Variants in CTNNA3 observed in about 807,000 individuals in gnomAD.
CTNNA3 encodes the protein catenin alpha-3.
CTNNA3 carries 76 observed loss-of-function variants against 95.7 expected under a neutral mutation model. That is an observed-to-expected ratio of 0.79 (90% confidence interval 0.66 to 0.96). CTNNA3 has a LOEUF of 0.96. Among genes scored for constraint, CTNNA3 ranks in the 40% least tolerant of loss-of-function variants. The pLI is 0.00. For missense variants in CTNNA3, 1,191 were observed against 1,089.8 expected (o/e 1.09, Z -1.31); for synonymous variants, 431 against 374.4 (o/e 1.15, Z -1.74).
At chr10:66,365,118 GTC>G (rs1358962893) in intron 12 of CTNNA3, among the ~76,000 whole-genome samples, 1 of 151,992 alleles carries the variant, frequency 6.6e-6, no homozygotes, top group Non-Finnish European at 1.5e-5. Context: ...AAAATGTGTA[GTC>G]TCTCGGAACC....
intron 3 of CTNNA3, among the ~76,000 whole-genome samples, chr10:67,566,064 T>C (rs1397644068): frequency 2.1e-5 from 2 of 95,422 alleles, no homozygotes; most frequent in African/African-American, 7.8e-5. Flanking sequence ...TATATATATA[T>C]ATATATATAC....
At chr10:67,571,174 T>C (rs1326000104) in intron 3 of CTNNA3, among the ~76,000 whole-genome samples, 2 of 152,138 alleles carry the variant, frequency 1.3e-5, no homozygotes, top group African/African-American at 4.8e-5. Flanking sequence ...GATGAGATAA[T>C]GCACATAAGG....
intron 14 of CTNNA3, among the ~76,000 whole-genome samples, chr10:66,102,625 G>A (rs61858395): frequency 0.056 from 8,572 of 152,212 alleles, 338 homozygotes; most frequent in Non-Finnish European, 0.09. Flanking sequence ...CTGGGTGGGA[G>A]TAAAGTGAAG....
At chr10:66,466,963 T>C (rs557570224) in intron 11 of CTNNA3, among the ~76,000 whole-genome samples, 3 of 152,232 alleles carry the variant, frequency 2.0e-5, no homozygotes, top group East Asian at 3.9e-4. Flanking sequence ...TGATTGACTG[T>C]TTCTCTCACT....
At chr10:66,685,203 A>G (rs1375506705) in intron 9 of CTNNA3, among the ~76,000 whole-genome samples, 1 of 43,072 alleles carries the variant, frequency 2.3e-5, no homozygotes, top group East Asian at 5.4e-3. Flanking sequence ...GTATATATAT[A>G]TACGTATATA....
intron 14 of CTNNA3, among the ~76,000 whole-genome samples, chr10:66,070,412 A>C (rs2133603880): frequency 6.6e-6 from 1 of 152,268 alleles, no homozygotes; most frequent in South Asian, 2.1e-4. Flanking sequence ...CTCCATCTTG[A>C]CTACCGGTCA....
chr10:66,137,821 G>A (rs995172757), intron 13 of CTNNA3, among the ~76,000 whole-genome samples: 4 of 151,952 alleles, frequency 2.6e-5, no homozygotes, highest in Non-Finnish European at 2.9e-5. Flanking sequence ...ATGGTGGCAC[G>A]TCCCTGTGGT....
At chr10:67,554,828 G>A (rs943684956) in intron 3 of CTNNA3, among the ~76,000 whole-genome samples, 5 of 152,030 alleles carry the variant, frequency 3.3e-5, no homozygotes, top group South Asian at 2.1e-4. Context: ...AAGTCCTTGC[G>A]CATGCCTATG....
chr10:67,425,992 A>T (rs1391946994), intron 5 of CTNNA3, among the ~76,000 whole-genome samples: 1 of 152,120 alleles, frequency 6.6e-6, no homozygotes, highest in East Asian at 1.9e-4. Flanking sequence ...TGTTTATTGC[A>T]TAGCCCTATG....
At chr10:66,640,270 G>A (rs2394260) in intron 9 of CTNNA3, among the ~76,000 whole-genome samples, 100,508 of 151,252 alleles carry the variant, frequency 0.66, 34,307 homozygotes, top group East Asian at 0.95. Context: ...AACTGCTATT[G>A]ACCACTCATG....
At chr10:67,092,963 A>G (rs1485503602) in intron 7 of CTNNA3, among the ~76,000 whole-genome samples, 1 of 152,016 alleles carries the variant, frequency 6.6e-6, no homozygotes, top group Non-Finnish European at 1.5e-5. Flanking sequence ...AAGAGTATAC[A>G]TGATAATGCT....
At chr10:66,675,715 C>G (rs897066111) in intron 9 of CTNNA3, among the ~76,000 whole-genome samples, 4 of 152,086 alleles carry the variant, frequency 2.6e-5, no homozygotes, top group African/African-American at 9.7e-5. Context: ...GTGAACAACT[C>G]AAAAGAGACA....
intron 1 of CTNNA3, among the ~76,000 whole-genome samples, chr10:67,652,580 C>A (rs1238910082): frequency 6.6e-6 from 1 of 152,172 alleles, no homozygotes; most frequent in East Asian, 1.9e-4. Flanking sequence ...TCTCTCATCC[C>A]TGTCTTCCTA....
At position 67,315,977 on chromosome 10, in the gene CTNNA3, G is replaced by A. The variant is rs376973339; in HGVS notation, c.580-96107C>T. ...TGAAATTGACTCCTAATAAATAGTC[G>A]TACTTGAAAGAAAAAATATGTTAAT... On this transcript the variant is annotated intron_variant, in intron 5 of 17. Coordinates refer to ENST00000433211, the MANE Select transcript of CTNNA3 (RefSeq NM_013266.4). Among the ~76,000 whole-genome samples, 30 of 152,078 alleles carry A rather than the reference G, an allele frequency of 2.0e-4. No homozygotes were observed. In the South Asian group the frequency reaches 3.7e-3, roughly 19 times the overall value.
At chr10:66,719,195 G>T (rs1472823269) in intron 9 of CTNNA3, among the ~76,000 whole-genome samples, 1 of 151,820 alleles carries the variant, frequency 6.6e-6, no homozygotes, top group Non-Finnish European at 1.5e-5. Context: ...TTTTCTTGTG[G>T]GTCTGCCTTC....
intron 7 of CTNNA3, among the ~76,000 whole-genome samples, chr10:66,887,392 A>G (rs1403592833): frequency 2.0e-5 from 3 of 152,180 alleles, no homozygotes; most frequent in African/African-American, 4.8e-5. Context: ...CTAACTCTTT[A>G]TGCTAAAAGA....
Position 67,756,651 on chromosome 10 carries a change from G to T in CTNNA3, c.-2+6783C>A, listed in dbSNP as rs530553119. On this transcript the variant is annotated intron_variant, in intron 1 of 17. Coordinates refer to the CTNNA3 transcript ENST00000684154. ...AATAGGCAAACAGAATATAGAGACA[G>T]AAAGCAGATTAGTGATTGCAGGGGC... Among the ~76,000 whole-genome samples the T allele has an allele frequency of 4.6e-5, 7 of 152,244 alleles. No individual in the cohort carries two copies. In the East Asian group the frequency reaches 1.4e-3, roughly 29 times the overall value.
chr10:67,257,644 G>T lies in CTNNA3; in HGVS notation c.580-37774C>A, dbSNP rs191718378. On this transcript the variant is annotated intron_variant, in intron 5 of 17. Transcript: ENST00000433211. ...CAAGTACAAAGTTCTCTTAAACAGCGGGTGGACTAGTGTTTCGTGCATGTT... is the reference window on the plus strand; with the variant it reads ...CAAGTACAAAGTTCTCTTAAACAGCTGGTGGACTAGTGTTTCGTGCATGTT... 2.3e-4 allele frequency among the ~76,000 whole-genome samples: 35 copies of T among 152,218 alleles called. 1 individual carries two copies. The highest frequency in any genetic ancestry group is 8.4e-4 in the African/African-American group (35 of 41,532).
At position 67,130,973 on chromosome 10, in the gene CTNNA3, T is replaced by C. The variant is rs74934791; in HGVS notation, c.1047+49344A>G. Among the ~76,000 whole-genome samples, 671 of 152,164 alleles carry C rather than the reference T, an allele frequency of 4.4e-3. 6 individuals carry two copies. Among genetic ancestry groups the C allele is most frequent in the African/African-American group, 0.015 (634 of 41,520 alleles). Reference sequence around the variant, plus strand: ...AAATGAATCAAGGATGGCACAAAGATAAATATAGGGCATGCAGAGTCTAGA... The same window carrying C: ...AAATGAATCAAGGATGGCACAAAGACAAATATAGGGCATGCAGAGTCTAGA... On this transcript the variant is annotated intron_variant, in intron 7 of 17. Transcript: ENST00000433211.
Sources: gnomAD v4.1 joint callset for allele counts (sites outside exome capture counted in the v4.1 genomes callset) on GRCh38, gnomAD v4.1.1 for gene constraint, MANE v1.5 for transcripts, NCBI Gene and HGNC (gene_info 2026-07-23, HGNC 2026-07-21) for gene names.